APOBEC3D: variants seen among roughly 807,000 people sequenced by gnomAD.
The protein encoded by APOBEC3D is apolipoprotein B mRNA editing enzyme catalytic subunit 3D.
In APOBEC3D, 37 loss-of-function variants were observed where a neutral mutation model predicts 45.6. The observed-to-expected ratio is 0.81, with a 90% CI of 0.62 to 1.07. The LOEUF (loss-of-function observed/expected upper bound fraction) is 1.07. Among genes scored for constraint, APOBEC3D ranks in the 50% least tolerant of loss-of-function variants. APOBEC3D has a pLI of 0.00. For missense variants in APOBEC3D, 496 were observed against 495.3 expected (o/e 1.00, Z -0.01); for synonymous variants, 175 against 180.7 (o/e 0.97, Z 0.25).
chr22:39,027,240 GA>G (rs1391565991), intron 4 of APOBEC3D, among the ~76,000 whole-genome samples: 4 of 152,126 alleles, frequency 2.6e-5, no homozygotes, highest in African/African-American at 9.7e-5. Flanking sequence ...AGGAGATGTG[GA>G]AGGAAGGAGC....
intron 2 of APOBEC3D, 65 bp downstream of exon 2, chr22:39,023,079 AT>A: frequency 2.4e-6 from 3 of 1,264,028 alleles, no homozygotes; most frequent in Non-Finnish European, 3.1e-6. Flanking sequence ...TCAACTGTGT[AT>A]TTTTTCCCCA....
rs1211503425 is a variant in APOBEC3D, at chr22:39,025,294, G to T, written c.435G>T (p.Trp145Cys). ...ACTACCGGGATAGAGATTGGCGGTG[G>T]GTGCTCCTCAGGCTGCATAAGGCAG... ...LYYYRDRDWRWVLLRLHKAGA... is the reference protein window; with the variant it reads ...LYYYRDRDWRCVLLRLHKAGA... Residue 145 changes from tryptophan to cysteine, a missense_variant, in exon 3 of 7, where the codon TGG (tryptophan) becomes TGT (cysteine). By Grantham distance (215) the Trp-to-Cys change is radical. Coordinates refer to ENST00000216099, the MANE Select transcript of APOBEC3D (RefSeq NM_152426.4). 5 of 1,614,024 alleles carry T rather than the reference G, an allele frequency of 3.1e-6. No individual in the cohort carries two copies. The highest frequency in any genetic ancestry group is 3.4e-6 in the Non-Finnish European group (4 of 1,180,014).
intron 1 of APOBEC3D, among the ~76,000 whole-genome samples, chr22:39,021,941 T>C (rs979367933): frequency 2.0e-5 from 3 of 152,252 alleles, no homozygotes; most frequent in African/African-American, 7.2e-5. Context: ...CTGTAAGATT[T>C]ACTTTGTTTA....
At position 39,023,856 on chromosome 22, in the gene APOBEC3D, AC is replaced by A. The variant is rs1925369373; in HGVS notation, c.210+845del. 3.3e-5 allele frequency among the ~76,000 whole-genome samples: 5 copies of A among 152,086 alleles called. No homozygotes were observed. In the South Asian group the frequency reaches 1.0e-3, roughly 32 times the overall value. On this transcript the variant is annotated intron_variant, in intron 2 of 6. Transcript: ENST00000216099. ...AAGATGCCTCATCACAGTTTGGTGA[AC>A]CCTCACTCCTCACCCTGCCACCCCC...
intron 4 of APOBEC3D, among the ~76,000 whole-genome samples, chr22:39,028,932 C>CA (rs1406283894): frequency 6.6e-6 from 1 of 151,944 alleles, no homozygotes. Context: ...AGACCGTGTG[C>CA]AAAAATAAAT....
chr22:39,022,365 C>G (rs920555325), intron 1 of APOBEC3D, among the ~76,000 whole-genome samples: 13 of 152,168 alleles, frequency 8.5e-5, no homozygotes, highest in African/African-American at 2.9e-4. Context: ...TCACATGAGC[C>G]CACCCCCACG....
Position 39,029,379 on chromosome 22 carries a change from A to G in APOBEC3D, c.622A>G (p.Met208Val), listed in dbSNP as rs772487858. Residue 208 changes from methionine to valine, a missense_variant, in exon 5 of 7, where the codon ATG (methionine) becomes GTG (valine). Coordinates refer to ENST00000216099, the MANE Select transcript of APOBEC3D (RefSeq NM_152426.4). ...KEILRNPMEAMYPHIFYFHFK... is the reference protein window; with the variant it reads ...KEILRNPMEAVYPHIFYFHFK... ...TGCCCTCAGAAACCCGATGGAGGCA[A>G]TGTACCCACACATATTCTACTTCCA... 10 of 1,613,992 alleles carry G rather than the reference A, an allele frequency of 6.2e-6. No individual in the cohort carries two copies. The highest frequency in any genetic ancestry group is 3.3e-4 in the Middle Eastern group (2 of 6,084).
At chr22:39,025,428 G>A in intron 3 of APOBEC3D, 79 bp downstream of exon 3, 1 of 1,613,142 alleles carries the variant, frequency 6.2e-7, no homozygotes, top group Non-Finnish European at 8.5e-7. Context: ...GCCATGGCTG[G>A]GGGTGTTCCA....
At chr22:39,032,079 G>C (rs894828498) in intron 6 of APOBEC3D, 106 bp downstream of exon 6, 13 of 1,584,544 alleles carry the variant, frequency 8.2e-6, no homozygotes, top group Admixed American at 1.7e-5. Context: ...AAGCCTGCAG[G>C]GATGGGGCCG....
At chr22:39,023,571 T>C (rs1243458776) in intron 2 of APOBEC3D, among the ~76,000 whole-genome samples, 2 of 151,760 alleles carry the variant, frequency 1.3e-5, no homozygotes, top group Admixed American at 6.6e-5. Flanking sequence ...CTCAGCCACC[T>C]GAATAGCAGG....
chr22:39,030,646 T>C (rs564695204), intron 5 of APOBEC3D, among the ~76,000 whole-genome samples: 1 of 152,108 alleles, frequency 6.6e-6, no homozygotes, highest in African/African-American at 2.4e-5. Context: ...TTTCAAGTGC[T>C]CAGTAGCCCC....
rs1337762249 is a variant in APOBEC3D at position 39,025,172 on chromosome 22, T to A, written c.313T>A (p.Ser105Thr). The change falls in exon 3 of 7, where the codon TCA (serine) becomes ACA (threonine). Residue 105 changes from serine (S) to threonine (T), a missense_variant. Ser to Thr is a moderately conservative substitution (Grantham distance 58). Transcript: ENST00000216099. ...NRRFQITWFV[S>T]WNPCLPCVVK... is the part of the protein sequence containing the mutation. ...GCGCTTCCAGATCACCTGGTTTGTATCATGGAACCCCTGCCTGCCCTGTGT... is the reference window on the plus strand; with the variant it reads ...GCGCTTCCAGATCACCTGGTTTGTAACATGGAACCCCTGCCTGCCCTGTGT... 1.2e-6 allele frequency: 2 copies of A among 1,614,056 alleles called. No individual in the cohort carries two copies. Among genetic ancestry groups the A allele is most frequent in the Admixed American group, 3.3e-5 (2 of 60,008 alleles).
Position 39,021,487 on chromosome 22 carries a change from G to C in APOBEC3D, c.-33G>C. ...AACCACAGCACTTCAAAAAAAGAGG[G>C]AGACTGGGACAAGCGTATCTAAGAG... On this transcript the variant is annotated 5_prime_UTR_variant, in exon 1 of 7. Transcript: ENST00000216099. 6.2e-7 allele frequency: 1 copy of C among 1,614,148 alleles called. No individual in the cohort carries two copies. Among genetic ancestry groups the C allele is most frequent in the South Asian group, 1.1e-5 (1 of 91,082 alleles).
In APOBEC3D at chr22:39,025,363, G is replaced by A. The variant is rs1342139425; in HGVS notation, c.490+14G>A. On this transcript the variant is annotated intron_variant, in intron 3 of 6. Transcript: ENST00000216099. ...TGGACTATGAAGGTGAGAGGTGCAG[G>A]GGTCAGGGGAGCATGACGGGGAGGA... 6.2e-7 allele frequency: 1 copy of A among 1,613,004 alleles called. No homozygotes were observed. Among genetic ancestry groups the A allele is most frequent in the Non-Finnish European group, 8.5e-7 (1 of 1,179,162 alleles).
intron 2 of APOBEC3D, 49 bp downstream of exon 2, chr22:39,023,063 G>T: frequency 6.9e-7 from 1 of 1,450,216 alleles, no homozygotes; most frequent in Non-Finnish European, 9.1e-7. Context: ...GTCTGGCGGC[G>T]GGCTCTCAAC....
intron 1 of APOBEC3D, among the ~76,000 whole-genome samples, chr22:39,021,868 G>C (rs1925147203): frequency 6.6e-6 from 1 of 152,358 alleles, no homozygotes; most frequent in African/African-American, 2.4e-5. Context: ...GGAACTGGGA[G>C]AATTGAACCA....
rs141550709 is a variant in APOBEC3D, at chr22:39,029,289, G to A, written c.606-74G>A. 3,369 of 1,548,598 alleles carry A rather than the reference G, an allele frequency of 2.2e-3. 18 individuals carry two copies. The highest frequency in any genetic ancestry group is 0.012 in the African/African-American group (880 of 73,632). ...TGGGAGAGGCCCAGACTCCAGGGAC[G>A]TCCAGGGAGTTGTGTTCAGTGGGCA... is the stretch of plus-strand genomic sequence containing the variant. On this transcript the variant is annotated intron_variant, in intron 4 of 6. Transcript: ENST00000216099.
chr22:39,028,374 C>G (rs1203154962), intron 4 of APOBEC3D, among the ~76,000 whole-genome samples: 7 of 152,276 alleles, frequency 4.6e-5, no homozygotes, highest in Non-Finnish European at 1.0e-4. Flanking sequence ...CCAGCTCCAT[C>G]CACCGCCCCA....
intron 2 of APOBEC3D, among the ~76,000 whole-genome samples, chr22:39,023,270 C>T (rs1319103074): frequency 6.6e-6 from 1 of 151,848 alleles, no homozygotes; most frequent in Non-Finnish European, 1.5e-5. Context: ...CGCGTGCTAC[C>T]ACGCCCGGCT....
Sources: allele counts gnomAD v4.1 joint callset (sites outside exome capture counted in the v4.1 genomes callset), GRCh38; gene constraint gnomAD v4.1.1; transcripts MANE v1.5; gene names NCBI Gene and HGNC (gene_info 2026-07-23, HGNC 2026-07-21).